AFAP1L2: variants seen among roughly 807,000 people sequenced by gnomAD.
The protein encoded by AFAP1L2 is actin filament associated protein 1 like 2, also known as actin filament-associated protein 1-like 2.
Under a neutral mutation model 99.3 loss-of-function variants are expected in AFAP1L2, and 46 were observed. The ratio of observed to expected loss-of-function variants is 0.46; its 90% CI spans 0.37 to 0.59. The LOEUF is 0.59. Ranked by LOEUF, AFAP1L2 falls within the 20% of genes least tolerant of loss-of-function variation. The pLI is 0.00. For missense variants in AFAP1L2, 959 were observed against 1,034.9 expected (o/e 0.93, Z 1.01); for synonymous variants, 397 against 419.1 (o/e 0.95, Z 0.64).
intron 2 of AFAP1L2, among the ~76,000 whole-genome samples, chr10:114,333,555 G>A (rs1400195728): frequency 6.6e-6 from 1 of 152,170 alleles, no homozygotes; most frequent in African/African-American, 2.4e-5. Flanking sequence ...GATAGCTTAT[G>A]GTATAAAAAT....
At chr10:114,376,095 G>A (rs1439570729) in intron 1 of AFAP1L2, among the ~76,000 whole-genome samples, 1 of 152,114 alleles carries the variant, frequency 6.6e-6, no homozygotes, top group Non-Finnish European at 1.5e-5. Context: ...AAATTTACAT[G>A]GCCAGTTGTA....
intron 1 of AFAP1L2, among the ~76,000 whole-genome samples, chr10:114,395,976 A>G (rs1224428651): frequency 6.6e-6 from 1 of 152,206 alleles, no homozygotes; most frequent in Non-Finnish European, 1.5e-5. Context: ...CCCCAACAAA[A>G]CTAAGACAAT....
In AFAP1L2 at chr10:114,300,301, G is replaced by T. The variant is rs144011687; in HGVS notation, c.1850C>A (p.Thr617Lys). Residue 617 changes from threonine to lysine, a missense_variant, in exon 15 of 19, where the codon ACG becomes AAG. Physicochemically the swap from Thr to Lys is moderately conservative, Grantham distance 78. Coordinates refer to ENST00000304129, the MANE Select transcript of AFAP1L2 (RefSeq NM_001001936.3). ...TGGGAAGGAGATTCTCTGCTGTTCC[G>T]TCTGGATTTTGACGGTGGTGATTCT... ...SLRITTVKIQ[T>K]EQQRISFPPS... is the part of the protein sequence containing the mutation. 1 of 1,614,014 alleles carries T rather than the reference G, an allele frequency of 6.2e-7. No individual in the cohort carries two copies. The highest frequency in any genetic ancestry group is 1.3e-5 in the African/African-American group (1 of 74,916).
chr10:114,387,744 G>A (rs2056682676), intron 1 of AFAP1L2, among the ~76,000 whole-genome samples: 1 of 152,230 alleles, frequency 6.6e-6, no homozygotes, highest in South Asian at 2.1e-4. Context: ...CTTTCGAACA[G>A]TATTTATTTC....
chr10:114,290,187 C>T (rs73365323), downstream of AFAP1L2: 8,352 of 1,541,336 alleles, frequency 5.4e-3, 349 homozygotes, highest in African/African-American at 0.095. Flanking sequence ...TAGGGGTCTT[C>T]GGGTCTAACC....
Position 114,301,439 on chromosome 10 carries a change from G to A in AFAP1L2, c.1457C>T (p.Pro486Leu), listed in dbSNP as rs1350688381. The A allele has an allele frequency of 1.9e-6, 3 of 1,613,994 alleles. No individual in the cohort carries two copies. The highest frequency in any genetic ancestry group is 1.1e-5 in the South Asian group (1 of 91,084). ...LLLMQRKFSE[P>L]NTYIDGLPSQ... is the part of the protein sequence containing the mutation. The stretch of plus-strand genomic sequence containing the variant: ...AGGCAGGCCATCGATGTAAGTGTTG[G>A]GCTCTGAGAACTTTCTCTGCATCAG... The change falls in exon 13 of 19, where the codon CCC becomes CTC. Residue 486 changes from proline (P) to leucine (L), a missense_variant. Pro to Leu is a moderately conservative substitution (Grantham distance 98). Transcript: ENST00000304129.
intron 12 of AFAP1L2, 48 bp downstream of exon 12, chr10:114,302,291 A>G (rs1294671377): frequency 1.2e-6 from 2 of 1,601,480 alleles, no homozygotes; most frequent in Non-Finnish European, 1.7e-6. Flanking sequence ...GGCCTACAGC[A>G]TGGCCAGGAA....
rs542457331 is a variant in AFAP1L2, at chr10:114,393,858, G to GA, written c.16+10581dup. On this transcript the variant is annotated intron_variant, in intron 1 of 18. Coordinates refer to ENST00000304129, the MANE Select transcript of AFAP1L2 (RefSeq NM_001001936.3). Reference sequence around the variant, plus strand: ...CGCTGAGAAGCAAGGAGGTCAATGGGAAAAAATTATTTTAGTCAACGTTGA... The same window carrying GA: ...CGCTGAGAAGCAAGGAGGTCAATGGGAAAAAAATTATTTTAGTCAACGTTGA... Among the ~76,000 whole-genome samples, 714 of 152,344 alleles carry GA rather than the reference G, an allele frequency of 4.7e-3. 7 individuals carry two copies. The highest frequency in any genetic ancestry group is 0.016 in the African/African-American group (665 of 41,584).
In AFAP1L2 at chr10:114,315,852, C is replaced by G. The variant is rs932241028; in HGVS notation, c.407-87G>C. ...CGCTGGGGAGGGCAGCAGGCAGGAG[C>G]AGCAGCAGCCAGACCACAGCCCCCG... On this transcript the variant is annotated intron_variant, in intron 5 of 18. Transcript: ENST00000304129. 1.4e-5 allele frequency: 18 copies of G among 1,285,830 alleles called. No homozygotes were observed. In the African/African-American group the frequency reaches 2.5e-4, roughly 18 times the overall value. 79.7% of individuals were successfully genotyped at this position (1,285,830 alleles called of 1,614,324 possible). A position where few individuals can be genotyped will look rare whatever the true frequency, so the allele number is the denominator to read the frequency against.
At chr10:114,379,450 C>T (rs1487883002) in intron 1 of AFAP1L2, among the ~76,000 whole-genome samples, 1 of 152,048 alleles carries the variant, frequency 6.6e-6, no homozygotes, top group African/African-American at 2.4e-5. Flanking sequence ...ACTATTTTCC[C>T]ATGATAAAAA....
chr10:114,311,701 C>T (rs1432589182), intron 7 of AFAP1L2, among the ~76,000 whole-genome samples: 1 of 152,220 alleles, frequency 6.6e-6, no homozygotes, highest in Admixed American at 6.5e-5. Flanking sequence ...TGCCACTAAG[C>T]CAGGAGTTCA....
At chr10:114,291,589 A>G (rs2133749277), downstream of AFAP1L2, 1 of 247,946 alleles carries the variant, frequency 4.0e-6, no homozygotes. Flanking sequence ...GAAGACTTAA[A>G]TTTAGCGGCC....
intron 1 of AFAP1L2, among the ~76,000 whole-genome samples, chr10:114,365,818 TGG>T (rs1270654699): frequency 6.6e-6 from 1 of 151,952 alleles, no homozygotes; most frequent in African/African-American, 2.4e-5. Context: ...CTTGAACTCC[TGG>T]GCTCAAGTGA....
the AFAP1L2 span, chr10:114,284,949 T>G: frequency 6.2e-7 from 1 of 1,601,800 alleles, no homozygotes; most frequent in African/African-American, 1.3e-5. Flanking sequence ...CCCGCTGGCC[T>G]TTGGAGGGGA....
At chr10:114,365,822 CTCAAGTGATCTTCCTGCCTCAGTCTTT>C in intron 1 of AFAP1L2, among the ~76,000 whole-genome samples, 1 of 151,754 alleles carries the variant, frequency 6.6e-6, no homozygotes, top group African/African-American at 2.4e-5. Context: ...AACTCCTGGG[CTCAAGTGATCTTCCTGCCTCAGTCTTT>C]CAAGTAAGCT....
the AFAP1L2 span, chr10:114,289,153 C>T: frequency 8.2e-5 from 133 of 1,613,738 alleles, 1 homozygote; most frequent in East Asian, 7.4e-4. Context: ...TGCGATGCTG[C>T]GGGCCATTAG....
Position 114,296,023 on chromosome 10 carries a change from T to C in AFAP1L2, c.*19A>G, listed in dbSNP as rs1277270639. Reference sequence around the variant, plus strand: ...CAAGGTCCACATTGACATGAGAGTCTTTAGATGAAGCTTGTTTTCTAACTT... The same window carrying C: ...CAAGGTCCACATTGACATGAGAGTCCTTAGATGAAGCTTGTTTTCTAACTT... On this transcript the variant is annotated 3_prime_UTR_variant, in exon 19 of 19. Transcript: ENST00000304129. The C allele has an allele frequency of 6.2e-7, 1 of 1,614,160 alleles. No individual in the cohort carries two copies. Among genetic ancestry groups the C allele is most frequent in the South Asian group, 1.1e-5 (1 of 91,086 alleles).
chr10:114,375,972 A>G (rs921372432), intron 1 of AFAP1L2, among the ~76,000 whole-genome samples: 4 of 152,180 alleles, frequency 2.6e-5, no homozygotes, highest in Admixed American at 1.3e-4. Context: ...AACAAAAAAT[A>G]CAAAAAAACA....
chr10:114,327,175 T>TATATATATATATA (rs1564880771), intron 4 of AFAP1L2, among the ~76,000 whole-genome samples: 1,070 of 55,470 alleles, frequency 0.019, 242 homozygotes, highest in East Asian at 0.059. Context: ...ATATATATAT[T>TATATATATATATA]TTTTTTTTAG....
Sources: allele counts gnomAD v4.1 joint callset (sites outside exome capture counted in the v4.1 genomes callset), GRCh38; gene constraint gnomAD v4.1.1; transcripts MANE v1.5; gene names NCBI Gene and HGNC (gene_info 2026-07-23, HGNC 2026-07-21).